Variants in EPHB1 observed in about 807,000 individuals in gnomAD.
The protein encoded by EPHB1 is ephrin type-B receptor 1.
A neutral mutation model predicts 94.4 loss-of-function variants in EPHB1; 30 were observed. That is an observed-to-expected ratio of 0.32 (90% CI 0.24 to 0.43). EPHB1 has a LOEUF of 0.43. Among genes scored for constraint, EPHB1 ranks in the 20% least tolerant of loss-of-function variants. The probability of loss-of-function intolerance (pLI) is 1.00; values close to 1 mark genes in which losing one functional copy is unlikely to be tolerated. For missense variants in EPHB1, 1,055 were observed against 1,308.3 expected (o/e 0.81, Z 2.99); for synonymous variants, 522 against 489.1 (o/e 1.07, Z -0.89).
At chr3:134,799,423 T>C (rs1159730119) in intron 1 of EPHB1, among the ~76,000 whole-genome samples, 1 of 152,258 alleles carries the variant, frequency 6.6e-6, no homozygotes, top group Non-Finnish European at 1.5e-5. Flanking sequence ...AAATTCCATG[T>C]ATTAGCTGAT....
Position 135,179,988 on chromosome 3 carries a change from G to T in EPHB1, c.1882+6G>T, listed in dbSNP as rs2107704898. On this transcript the variant is annotated splice_donor_region_variant and intron_variant, in intron 10 of 15. Coordinates refer to ENST00000398015, the MANE Select transcript of EPHB1 (RefSeq NM_004441.5). ...TGAAGAGGTCATCGGAGCAGGTATGGCTCTTCCCTGTCTTGTTTCTGTTCT... is the reference window on the plus strand; with the variant it reads ...TGAAGAGGTCATCGGAGCAGGTATGTCTCTTCCCTGTCTTGTTTCTGTTCT... 1.2e-6 allele frequency: 2 copies of T among 1,613,570 alleles called. No individual in the cohort carries two copies. Among genetic ancestry groups the T allele is most frequent in the Non-Finnish European group, 1.7e-6 (2 of 1,179,596 alleles).
chr3:135,217,021 C>CT (rs779664093), intron 12 of EPHB1, among the ~76,000 whole-genome samples: 12 of 152,018 alleles, frequency 7.9e-5, no homozygotes, highest in Non-Finnish European at 1.6e-4. Context: ...AGGGAACTTG[C>CT]TAGGGTGTCT....
rs115601862 is a variant in EPHB1, at chr3:135,138,647, C to G, written c.1297+5598C>G. Among the ~76,000 whole-genome samples the G allele has an allele frequency of 4.9e-3, 739 of 152,080 alleles. 8 individuals carry two copies. The highest frequency in any genetic ancestry group is 0.017 in the African/African-American group (701 of 41,464). On this transcript the variant is annotated intron_variant, in intron 5 of 15. Coordinates refer to ENST00000398015, the MANE Select transcript of EPHB1 (RefSeq NM_004441.5). The stretch of plus-strand genomic sequence containing the variant: ...TTAGCAGGCAAAATTTGCTCCAACA[C>G]AGAGAAAAGATTGAGTGAGAACTTT...
At chr3:134,975,273 T>G (rs1457771639) in intron 3 of EPHB1, among the ~76,000 whole-genome samples, 5 of 152,294 alleles carry the variant, frequency 3.3e-5, no homozygotes, top group African/African-American at 1.2e-4. Context: ...GGATCAGGGT[T>G]GCCATCCCTT....
intron 3 of EPHB1, among the ~76,000 whole-genome samples, chr3:135,080,294 A>G (rs955366298): frequency 3.9e-5 from 6 of 152,302 alleles, no homozygotes; most frequent in Admixed American, 1.3e-4. Flanking sequence ...AGTGTGCCCA[A>G]GGGCAAGATT....
intron 1 of EPHB1, among the ~76,000 whole-genome samples, chr3:134,810,258 C>T (rs569766451): frequency 1.4e-5 from 2 of 142,346 alleles, no homozygotes; most frequent in Non-Finnish European, 3.0e-5. Flanking sequence ...GGGCTTGAAG[C>T]GTGGGTAGCA....
Position 134,862,171 on chromosome 3 carries a change from G to A in EPHB1, c.59-63645G>A, listed in dbSNP as rs532071553. Among the ~76,000 whole-genome samples the A allele has an allele frequency of 2.0e-5, 3 of 152,310 alleles. No individual in the cohort carries two copies. The South Asian group carries it at 6.2e-4, about 32-fold the overall frequency. On this transcript the variant is annotated intron_variant, in intron 1 of 15. Coordinates refer to ENST00000398015, the MANE Select transcript of EPHB1 (RefSeq NM_004441.5). Reference sequence around the variant, plus strand: ...GAGAGGCCCATGGGCAAAGCCTCCTGAGTATCTAGCGCTGGGCTCAGGGCT... The same window carrying A: ...GAGAGGCCCATGGGCAAAGCCTCCTAAGTATCTAGCGCTGGGCTCAGGGCT...
At chr3:135,224,861 G>A (rs575839938) in intron 12 of EPHB1, among the ~76,000 whole-genome samples, 1 of 152,268 alleles carries the variant, frequency 6.6e-6, no homozygotes, top group African/African-American at 2.4e-5. Flanking sequence ...CATTCTCTTT[G>A]ATTTTTACCT....
At chr3:134,841,232 G>A (rs573655216) in intron 1 of EPHB1, among the ~76,000 whole-genome samples, 1 of 152,300 alleles carries the variant, frequency 6.6e-6, no homozygotes, top group South Asian at 2.1e-4. Flanking sequence ...GCAGTAGCCA[G>A]GACATCTCTA....
intron 8 of EPHB1, 28 bp downstream of exon 8, chr3:135,166,104 C>A: frequency 6.4e-7 from 1 of 1,574,622 alleles, no homozygotes; most frequent in Non-Finnish European, 8.7e-7. Context: ...ACTTGCTCTC[C>A]TTGGACCCAG....
chr3:135,025,611 A>G (rs1936136232), intron 3 of EPHB1, among the ~76,000 whole-genome samples: 1 of 53,958 alleles, frequency 1.9e-5, no homozygotes, highest in Non-Finnish European at 4.4e-5. Flanking sequence ...CAAGTCTATC[A>G]TTGTTGGACA....
chr3:134,959,965 CCTTTTTTTTTTTTTTTTT>C (rs1933441003), intron 3 of EPHB1, among the ~76,000 whole-genome samples: 2 of 104,626 alleles, frequency 1.9e-5, no homozygotes, highest in Middle Eastern at 5.0e-3. Flanking sequence ...AACATCTGCA[CCTTTTTTTTTTTTTTTTT>C]TTTTTTTTTT....
At chr3:134,904,579 T>C (rs1452402061) in intron 1 of EPHB1, among the ~76,000 whole-genome samples, 1 of 152,148 alleles carries the variant, frequency 6.6e-6, no homozygotes, top group Non-Finnish European at 1.5e-5. Flanking sequence ...AGCCAGCGGA[T>C]GGTTTGACTC....
chr3:134,977,404 TC>T (rs1934230646), intron 3 of EPHB1, among the ~76,000 whole-genome samples: 1 of 152,086 alleles, frequency 6.6e-6, no homozygotes, highest in African/African-American at 2.4e-5. Context: ...CGTGGCAGAC[TC>T]CCCCGCAAAT....
intron 1 of EPHB1, among the ~76,000 whole-genome samples, chr3:134,846,753 G>T (rs2036879158): frequency 6.6e-6 from 1 of 152,064 alleles, no homozygotes; most frequent in African/African-American, 2.4e-5. Context: ...TGCTCTGGTG[G>T]GATGCTCAGG....
intron 4 of EPHB1, among the ~76,000 whole-genome samples, chr3:135,106,935 A>G (rs1939241571): frequency 6.6e-6 from 1 of 152,150 alleles, no homozygotes; most frequent in African/African-American, 2.4e-5. Context: ...ACTTCCTCCA[A>G]GAAGTCCCTC....
chr3:135,256,737 G>T (rs1172639954), intron 15 of EPHB1, among the ~76,000 whole-genome samples: 1 of 152,056 alleles, frequency 6.6e-6, no homozygotes, highest in African/African-American at 2.4e-5. Context: ...GGCGTTCTCT[G>T]TATTTCCTGA....
chr3:135,061,011 T>C (rs1937485689), intron 3 of EPHB1, among the ~76,000 whole-genome samples: 1 of 152,136 alleles, frequency 6.6e-6, no homozygotes, highest in Non-Finnish European at 1.5e-5. Flanking sequence ...AATTGTTTTG[T>C]TTTTAGATCC....
intron 3 of EPHB1, among the ~76,000 whole-genome samples, chr3:135,079,937 G>A (rs1376996738): frequency 6.6e-6 from 1 of 152,094 alleles, no homozygotes; most frequent in East Asian, 1.9e-4. Flanking sequence ...TGTGTCCAGC[G>A]GGGTACCTGG....
Sources: allele counts gnomAD v4.1 joint callset (sites outside exome capture counted in the v4.1 genomes callset), GRCh38; gene constraint gnomAD v4.1.1; transcripts MANE v1.5; gene names NCBI Gene and HGNC (gene_info 2026-07-23, HGNC 2026-07-21).